The following ZFPM2 variants were observed in gnomAD, a reference collection of about 807,000 sequenced individuals.
ZFPM2 encodes zinc finger protein, FOG family member 2, also known as zinc finger protein ZFPM2.
Under a neutral mutation model 98.6 loss-of-function variants are expected in ZFPM2, and 20 were observed. That is an observed-to-expected ratio of 0.20 (90% CI 0.14 to 0.29). The LOEUF is 0.29. ZFPM2 is among the 10% of genes least tolerant of loss of function. ZFPM2 has a pLI of 1.00. For missense variants in ZFPM2, 1,310 were observed against 1,388.6 expected (o/e 0.94, Z 0.90); for synonymous variants, 518 against 502.7 (o/e 1.03, Z -0.41).
At chr8:105,771,197 G>A (rs1357783846) in intron 5 of ZFPM2, among the ~76,000 whole-genome samples, 1 of 151,932 alleles carries the variant, frequency 6.6e-6, no homozygotes, top group East Asian at 1.9e-4. Context: ...AACTTGTTAT[G>A]CTGTATTTGA....
chr8:105,357,076 G>A (rs1337485225), intron 1 of ZFPM2, among the ~76,000 whole-genome samples: 1 of 145,724 alleles, frequency 6.9e-6, no homozygotes, highest in African/African-American at 2.4e-5. Context: ...TCAAGCCCCT[G>A]GCTTCTGTTC....
intron 3 of ZFPM2, among the ~76,000 whole-genome samples, chr8:105,467,991 C>T (rs1812825797): frequency 6.6e-6 from 1 of 151,832 alleles, no homozygotes; most frequent in Admixed American, 6.6e-5. Context: ...AGAGAGAACC[C>T]CTCATTTTCT....
chr8:105,394,920 C>G (rs1811191118), intron 1 of ZFPM2, among the ~76,000 whole-genome samples: 1 of 152,136 alleles, frequency 6.6e-6, no homozygotes, highest in African/African-American at 2.4e-5. Flanking sequence ...ATGCAGGTTC[C>G]TTTGATTCTC....
chr8:105,711,257 G>A (rs531449931), intron 5 of ZFPM2, among the ~76,000 whole-genome samples: 3 of 152,132 alleles, frequency 2.0e-5, no homozygotes, highest in African/African-American at 7.2e-5. Context: ...ATCCGTTAGA[G>A]CTGTTGCCTT....
At chr8:105,709,359 T>G (rs1811329066) in intron 5 of ZFPM2, among the ~76,000 whole-genome samples, 1 of 152,206 alleles carries the variant, frequency 6.6e-6, no homozygotes, top group Non-Finnish European at 1.5e-5. Context: ...TAGGCATATC[T>G]TAATGGAGTT....
At chr8:105,759,596 G>A (rs934691089) in intron 5 of ZFPM2, among the ~76,000 whole-genome samples, 10 of 151,706 alleles carry the variant, frequency 6.6e-5, no homozygotes, top group South Asian at 4.2e-4. Flanking sequence ...GTGTGTGTGT[G>A]TGTGTGTGTG....
At chr8:105,594,963 CTA>C (rs1049498926) in intron 4 of ZFPM2, among the ~76,000 whole-genome samples, 103 of 152,176 alleles carry the variant, frequency 6.8e-4, no homozygotes, top group African/African-American at 2.4e-3. Context: ...ATGGAGGATT[CTA>C]TAAAAGTTGT....
At chr8:105,403,998 CAACA>C (rs1298876386) in intron 1 of ZFPM2, among the ~76,000 whole-genome samples, 3 of 66,256 alleles carry the variant, frequency 4.5e-5, no homozygotes, top group Admixed American at 1.3e-4. Context: ...GTTAAAACAA[CAACA>C]ACAACAACAA....
intron 5 of ZFPM2, among the ~76,000 whole-genome samples, chr8:105,696,384 T>C (rs1258068176): frequency 6.6e-6 from 1 of 152,220 alleles, no homozygotes; most frequent in African/African-American, 2.4e-5. Context: ...TAATAAAGTG[T>C]GACTCTCATT....
chr8:105,488,390 T>C (rs1478615871), intron 3 of ZFPM2, among the ~76,000 whole-genome samples: 1 of 152,120 alleles, frequency 6.6e-6, no homozygotes, highest in Non-Finnish European at 1.5e-5. Context: ...TGCGGGCAAA[T>C]AGTGGAAGTA....
chr8:105,729,293 A>G (rs1006580041), intron 5 of ZFPM2, among the ~76,000 whole-genome samples: 1 of 151,700 alleles, frequency 6.6e-6, no homozygotes, highest in Non-Finnish European at 1.5e-5. Context: ...TACAACACCT[A>G]TATAAGGCTC....
intron 3 of ZFPM2, among the ~76,000 whole-genome samples, chr8:105,504,707 G>A (rs568912662): frequency 2.0e-5 from 3 of 151,604 alleles, no homozygotes; most frequent in East Asian, 1.9e-4. Flanking sequence ...CTTGTATTTC[G>A]CAACCATGTT....
chr8:105,710,844 G>T (rs1448535676), intron 5 of ZFPM2, among the ~76,000 whole-genome samples: 1 of 152,012 alleles, frequency 6.6e-6, no homozygotes, highest in East Asian at 1.9e-4. Context: ...CATCATTGAA[G>T]TGGTTCTAAT....
chr8:105,503,042 T>C (rs1813628140), intron 3 of ZFPM2, among the ~76,000 whole-genome samples: 2 of 152,184 alleles, frequency 1.3e-5, no homozygotes, highest in Non-Finnish European at 2.9e-5. Flanking sequence ...CCAGGAAATA[T>C]TTAGCAGCAT....
chr8:105,765,419 T>C (rs1812834710), intron 5 of ZFPM2, among the ~76,000 whole-genome samples: 1 of 151,874 alleles, frequency 6.6e-6, no homozygotes, highest in African/African-American at 2.4e-5. Context: ...ATTTACATTT[T>C]GATTCACCGT....
chr8:105,775,188 C>T (rs1055796899), intron 5 of ZFPM2, among the ~76,000 whole-genome samples: 10 of 151,530 alleles, frequency 6.6e-5, no homozygotes, highest in Admixed American at 3.3e-4. Flanking sequence ...ATCAGGATAC[C>T]GCAATGGATA....
Position 105,801,643 on chromosome 8 carries a change from T to A in ZFPM2, c.1561T>A (p.Ser521Thr). Reference protein sequence around the residue: ...PQASEILAKMSELVHRRLRHG... With the variant: ...PQASEILAKMTELVHRRLRHG... ...AGCTTCAGAGATCTTAGCTAAGATG[T>A]CTGAACTGGTGCATCGGCGACTGAG... The change falls in exon 8 of 8, where the codon TCT becomes ACT. Residue 521 changes from serine to threonine, a missense_variant. Physicochemically the swap from Ser to Thr is moderately conservative, Grantham distance 58 (BLOSUM62 1). Transcript: ENST00000407775. 2 of 1,613,670 alleles carry A rather than the reference T, an allele frequency of 1.2e-6. No homozygotes were observed. Among genetic ancestry groups the A allele is most frequent in the Non-Finnish European group, 8.5e-7 (1 of 1,179,852 alleles).
At chr8:105,676,298 G>A (rs1810454437) in intron 5 of ZFPM2, among the ~76,000 whole-genome samples, 1 of 152,060 alleles carries the variant, frequency 6.6e-6, no homozygotes, top group African/African-American at 2.4e-5. Context: ...TAGTGACTTT[G>A]GCATATTGTT....
At chr8:105,475,814 T>C (rs1320548200) in intron 3 of ZFPM2, among the ~76,000 whole-genome samples, 2 of 152,240 alleles carry the variant, frequency 1.3e-5, no homozygotes, top group African/African-American at 4.8e-5. Context: ...AGGCAACTTC[T>C]AATTTTCACC....
Sources: gnomAD v4.1 joint callset for allele counts (sites outside exome capture counted in the v4.1 genomes callset) on GRCh38, gnomAD v4.1.1 for gene constraint, MANE v1.5 for transcripts, NCBI Gene and HGNC (gene_info 2026-07-23, HGNC 2026-07-21) for gene names.